CCDC178: variants seen among roughly 807,000 people sequenced by gnomAD.
The protein encoded by CCDC178 is coiled-coil domain-containing protein 178.
Under a neutral mutation model 117.4 loss-of-function variants are expected in CCDC178, and 126 were observed. The observed-to-expected ratio is 1.07, with a 90% CI of 0.93 to 1.24. The LOEUF (loss-of-function observed/expected upper bound fraction) is 1.24, where lower values mean the gene tolerates loss of function less well. Ranked by LOEUF, CCDC178 falls within the 50% of genes most tolerant of loss-of-function variation. The pLI is 0.00. For synonymous variants in CCDC178, 283 were observed against 313.4 expected (o/e 0.90, Z 1.02); for missense variants, 1,030 against 986.9 (o/e 1.04, Z -0.59).
At chr18:33,312,479 C>T (rs1286365543) in intron 11 of CCDC178, among the ~76,000 whole-genome samples, 1 of 152,162 alleles carries the variant, frequency 6.6e-6, no homozygotes, top group Non-Finnish European at 1.5e-5. Flanking sequence ...CCAGCAGTAT[C>T]CCTACCCAAC....
intron 2 of CCDC178, among the ~76,000 whole-genome samples, chr18:33,430,634 C>G (rs1287689874): frequency 6.6e-6 from 1 of 152,102 alleles, no homozygotes; most frequent in Admixed American, 6.5e-5. Flanking sequence ...CAAGAGGACC[C>G]CATGAAGGAA....
intron 20 of CCDC178, among the ~76,000 whole-genome samples, chr18:33,189,239 G>T (rs1452891207): frequency 1.3e-5 from 2 of 152,102 alleles, no homozygotes; most frequent in African/African-American, 4.8e-5. Context: ...CATCTGCATA[G>T]ACAAGCAACA....
chr18:32,948,606 T>A (rs573060468), intron 22 of CCDC178, among the ~76,000 whole-genome samples: 9 of 152,096 alleles, frequency 5.9e-5, no homozygotes, highest in Non-Finnish European at 1.2e-4. Flanking sequence ...ACCATTTTAC[T>A]TCTTTGCAAT....
chr18:33,104,669 G>GT (rs1013130367), intron 20 of CCDC178, among the ~76,000 whole-genome samples: 2 of 151,706 alleles, frequency 1.3e-5, no homozygotes, highest in East Asian at 2.0e-4. Flanking sequence ...CCACTTTTAC[G>GT]TTTTTCCCAC....
intron 21 of CCDC178, among the ~76,000 whole-genome samples, chr18:33,063,092 G>T (rs1027088899): frequency 6.6e-6 from 1 of 152,148 alleles, no homozygotes; most frequent in African/African-American, 2.4e-5. Flanking sequence ...CAGAGTTCCT[G>T]GAAACCAGCC....
chr18:33,419,660 C>T (rs1031014100), intron 2 of CCDC178, among the ~76,000 whole-genome samples: 15 of 152,068 alleles, frequency 9.9e-5, no homozygotes, highest in Admixed American at 6.6e-4. Context: ...AAGAAATACA[C>T]GTGGCCAACA....
intron 18 of CCDC178, among the ~76,000 whole-genome samples, chr18:33,220,277 G>A (rs2059215418): frequency 6.6e-6 from 1 of 151,996 alleles, no homozygotes; most frequent in African/African-American, 2.4e-5. Context: ...ACTATGCATT[G>A]TATTTGAACT....
intron 2 of CCDC178, 90 bp downstream of exon 2, chr18:33,439,872 A>G (rs899867011): frequency 6.6e-6 from 1 of 152,244 alleles, no homozygotes; most frequent in African/African-American, 2.4e-5. Context: ...TGAATTGGCA[A>G]TCGGGAGATT....
chr18:33,264,423 A>G (rs1428091424), intron 14 of CCDC178, among the ~76,000 whole-genome samples: 1 of 151,876 alleles, frequency 6.6e-6, no homozygotes, highest in African/African-American at 2.4e-5. Flanking sequence ...AAATCTCTTA[A>G]TCTCTCTTTC....
chr18:33,405,771 T>G (rs991693756), intron 3 of CCDC178, among the ~76,000 whole-genome samples: 3 of 152,068 alleles, frequency 2.0e-5, no homozygotes, highest in Non-Finnish European at 4.4e-5. Context: ...CTTGAATATG[T>G]TAGCTTTTTA....
At chr18:33,096,945 T>C (rs1434055474) in intron 20 of CCDC178, among the ~76,000 whole-genome samples, 2 of 152,128 alleles carry the variant, frequency 1.3e-5, no homozygotes, top group Non-Finnish European at 2.9e-5. Flanking sequence ...ATTATCCGCA[T>C]GTCACAGGTA....
intron 20 of CCDC178, among the ~76,000 whole-genome samples, chr18:33,177,851 T>A (rs540206547): frequency 7.2e-4 from 110 of 152,218 alleles, no homozygotes; most frequent in African/African-American, 2.6e-3. Flanking sequence ...GTAGAAACCA[T>A]TTTTTTACTT....
At position 33,248,519 on chromosome 18, in the gene CCDC178, T is replaced by C. The variant is rs559490138; in HGVS notation, c.1410-3091A>G. On this transcript the variant is annotated intron_variant, in intron 14 of 22. Transcript: ENST00000383096. ...ACCTATGAGTGAGAACATGTGGTGT[T>C]TGGTTTTTTGTCCTTGTGATAGTTT... is the stretch of plus-strand genomic sequence containing the variant. Among the ~76,000 whole-genome samples the C allele has an allele frequency of 3.3e-5, 5 of 151,730 alleles. No homozygotes were observed. The South Asian group carries it at 8.4e-4, about 25-fold the overall frequency.
At chr18:33,130,060 G>A (rs1255076347) in intron 20 of CCDC178, among the ~76,000 whole-genome samples, 1 of 151,872 alleles carries the variant, frequency 6.6e-6, no homozygotes, top group Non-Finnish European at 1.5e-5. Context: ...TCTTTTGGCA[G>A]TGTAATATAT....
intron 14 of CCDC178, among the ~76,000 whole-genome samples, chr18:33,247,302 A>G (rs1312596968): frequency 6.6e-6 from 1 of 151,926 alleles, no homozygotes; most frequent in East Asian, 1.9e-4. Context: ...AAATAAGTAT[A>G]TTTAAAATGC....
At chr18:33,149,270 T>C (rs549748859) in intron 20 of CCDC178, among the ~76,000 whole-genome samples, 2 of 152,290 alleles carry the variant, frequency 1.3e-5, no homozygotes, top group South Asian at 4.1e-4. Context: ...AGAAAGCAAA[T>C]GGTTAAATAC....
chr18:33,368,803 G>A (rs990216778), intron 6 of CCDC178, among the ~76,000 whole-genome samples: 5 of 151,948 alleles, frequency 3.3e-5, no homozygotes, highest in Non-Finnish European at 7.4e-5. Context: ...AAAACATAAT[G>A]TCTGACTTAT....
At chr18:33,248,341 T>C (rs1201129776) in intron 14 of CCDC178, among the ~76,000 whole-genome samples, 1 of 151,972 alleles carries the variant, frequency 6.6e-6, no homozygotes, top group African/African-American at 2.4e-5. Context: ...GTTACATATG[T>C]ATACATGTGC....
At chr18:33,232,978 C>G (rs1347805472) in intron 15 of CCDC178, among the ~76,000 whole-genome samples, 2 of 151,806 alleles carry the variant, frequency 1.3e-5, no homozygotes, top group East Asian at 3.9e-4. Context: ...TTAAAATTTC[C>G]TATTATATGT....
Sources: allele counts gnomAD v4.1 joint callset (sites outside exome capture counted in the v4.1 genomes callset), GRCh38; gene constraint gnomAD v4.1.1; transcripts MANE v1.5; gene names NCBI Gene and HGNC (gene_info 2026-07-23, HGNC 2026-07-21).